ADAM21: variants seen among roughly 807,000 people sequenced by gnomAD.
ADAM21 encodes ADAM metallopeptidase domain 21, also known as disintegrin and metalloproteinase domain-containing protein 21.
For synonymous variants in ADAM21, 262 were observed against 306.0 expected (o/e 0.86, Z 1.50); for missense variants, 678 against 874.4 (o/e 0.78, Z 2.83).
In ADAM21 at chr14:70,459,088, A is replaced by G. The variant is rs751317160; in HGVS notation, c.1589A>G (p.Tyr530Cys). 1 of 1,612,686 alleles carries G rather than the reference A, an allele frequency of 6.2e-7. No homozygotes were observed. Among genetic ancestry groups the G allele is most frequent in the Non-Finnish European group, 8.5e-7 (1 of 1,179,242 alleles). The change falls in exon 2 of 2, where the codon TAT (tyrosine) becomes TGT (cysteine). Residue 530 changes from tyrosine (Y) to cysteine (C), a missense_variant. Coordinates refer to ENST00000603540, the MANE Select transcript of ADAM21 (RefSeq NM_003813.4). ...GCAAAAAGTGCATCTCAGAATTGCT[A>G]TAAAGAAATCAATTCTCAGGGAAAC... The part of the protein sequence containing the change: ...KDAKSASQNC[Y>C]KEINSQGNRF...
intron 1 of ADAM21, among the ~76,000 whole-genome samples, chr14:70,455,387 T>A (rs1469366381): frequency 6.6e-6 from 1 of 152,168 alleles, no homozygotes; most frequent in African/African-American, 2.4e-5. Context: ...AGAGGTGAAA[T>A]TAAGTTTTTG....
chr14:70,452,468 C>T (rs1438860046), intron 1 of ADAM21, among the ~76,000 whole-genome samples: 3 of 152,192 alleles, frequency 2.0e-5, no homozygotes, highest in African/African-American at 7.2e-5. Flanking sequence ...TGGGTTCACA[C>T]CATTCTCCTC....
intron 1 of ADAM21, 63 bp from the exon 2 acceptor site, chr14:70,457,286 C>G (rs1171683818): frequency 3.3e-5 from 20 of 613,586 alleles, no homozygotes; most frequent in Non-Finnish European, 4.7e-5. Flanking sequence ...CTACTTCATT[C>G]TTTTTCTCTC....
In ADAM21 at chr14:70,459,460, G is replaced by A. The variant is rs1882491067; in HGVS notation, c.1961G>A (p.Gly654Asp). The A allele has an allele frequency of 1.2e-6, 2 of 1,614,128 alleles. No individual in the cohort carries two copies. Among genetic ancestry groups the A allele is most frequent in the African/African-American group, 1.3e-5 (1 of 74,954 alleles). The change falls in exon 2 of 2, where the codon GGC becomes GAC. Residue 654 changes from glycine to aspartate, a missense_variant. Transcript: ENST00000603540. ...AATAACAAACATCACTGCCACTGTGGCTATGGGTGGTCCCCACCCTACTGC... is the reference window on the plus strand; with the variant it reads ...AATAACAAACATCACTGCCACTGTGACTATGGGTGGTCCCCACCCTACTGC... Reference protein sequence around the residue: ...ICNNKHHCHCGYGWSPPYCQH... With the variant: ...ICNNKHHCHCDYGWSPPYCQH...
rs778910236 is a variant in ADAM21, at chr14:70,458,316, G to A, written c.817G>A (p.Glu273Lys). 2 of 1,613,970 alleles carry A rather than the reference G, an allele frequency of 1.2e-6. No homozygotes were observed. The highest frequency in any genetic ancestry group is 2.7e-5 in the African/African-American group (2 of 74,934). The change falls in exon 2 of 2, where the codon GAA becomes AAA. Residue 273 changes from glutamate to lysine, a missense_variant. Coordinates refer to ENST00000603540, the MANE Select transcript of ADAM21 (RefSeq NM_003813.4). ...QGNVFPMTSIEQVLNDFSQWK... is the reference protein window; with the variant it reads ...QGNVFPMTSIKQVLNDFSQWK... ...AAATGTTTTCCCAATGACAAGCATAGAACAGGTCCTGAACGATTTCTCTCA... is the reference window on the plus strand; with the variant it reads ...AAATGTTTTCCCAATGACAAGCATAAAACAGGTCCTGAACGATTTCTCTCA...
chr14:70,456,048 GT>G (rs1468402070), intron 1 of ADAM21, among the ~76,000 whole-genome samples: 1 of 151,988 alleles, frequency 6.6e-6, no homozygotes, highest in Non-Finnish European at 1.5e-5. Flanking sequence ...ATAATTATCT[GT>G]TTTTTGTTTG....
At chr14:70,455,046 A>AGGTTC (rs1486726674) in intron 1 of ADAM21, among the ~76,000 whole-genome samples, 13 of 152,324 alleles carry the variant, frequency 8.5e-5, no homozygotes, top group African/African-American at 3.1e-4. Context: ...ATTAAAGCTC[A>AGGTTC]GGTTCAATAC....
Position 70,458,061 on chromosome 14 carries a change from G to A in ADAM21, c.562G>A (p.Glu188Lys), listed in dbSNP as rs764758775. 1.9e-6 allele frequency: 3 copies of A among 1,613,962 alleles called. No homozygotes were observed. The highest frequency in any genetic ancestry group is 2.7e-5 in the African/African-American group (2 of 74,872). The change falls in exon 2 of 2, where the codon GAA becomes AAA. Residue 188 changes from glutamate to lysine, a missense_variant. Physicochemically the swap from Glu to Lys is moderately conservative, Grantham distance 56 (BLOSUM62 1). Coordinates refer to ENST00000603540, the MANE Select transcript of ADAM21 (RefSeq NM_003813.4). ...KEVARQQLEF[E>K]EAENSALEPK... The stretch of plus-strand genomic sequence containing the variant: ...AGTAGCACGCCAACAGTTGGAATTT[G>A]AAGAGGCTGAGAACTCAGCTCTGGA...
intron 1 of ADAM21, among the ~76,000 whole-genome samples, chr14:70,453,785 C>A (rs1177761834): frequency 6.6e-6 from 1 of 152,188 alleles, no homozygotes; most frequent in Admixed American, 6.5e-5. Context: ...ATTCAGAGAT[C>A]TTTGTTCTTG....
chr14:70,454,501 C>T (rs560028796), intron 1 of ADAM21, among the ~76,000 whole-genome samples: 2 of 152,134 alleles, frequency 1.3e-5, no homozygotes, highest in South Asian at 4.2e-4. Flanking sequence ...GATTGGAAGA[C>T]AAGAACATTA....
rs1882488743 is a variant in ADAM21, at chr14:70,459,378, C to T, written c.1879C>T (p.Leu627=). The T allele has an allele frequency of 6.2e-7, 1 of 1,614,142 alleles. No individual in the cohort carries two copies. Residue 627 remains leucine, a synonymous_variant, in exon 2 of 2, where the codon CTG becomes TTG. Coordinates refer to ENST00000603540, the MANE Select transcript of ADAM21 (RefSeq NM_003813.4). ...KICIHKKCVS[L]SVLSHVCLPE... is the part of the protein sequence containing the mutation. ...CTGCATCCATAAGAAGTGTGTCAGT[C>T]TGTCTGTCTTGTCACATGTCTGCCT...
At chr14:70,456,142 G>T (rs1882401332) in intron 1 of ADAM21, among the ~76,000 whole-genome samples, 1 of 151,898 alleles carries the variant, frequency 6.6e-6, no homozygotes, top group South Asian at 2.1e-4. Flanking sequence ...ACTCTCCTCA[G>T]CAAAAAAAGT....
Position 70,457,701 on chromosome 14 carries a change from G to A in ADAM21, c.202G>A (p.Gly68Arg), listed in dbSNP as rs1318120161. ...PGWLSYSLRF[G>R]GQKHVVHMRV... is the part of the protein sequence containing the mutation. ...ATGGCTCTCCTATAGTCTGCGGTTTGGGGGCCAGAAACACGTTGTTCATAT... is the reference window on the plus strand; with the variant it reads ...ATGGCTCTCCTATAGTCTGCGGTTTAGGGGCCAGAAACACGTTGTTCATAT... The change falls in exon 2 of 2, where the codon GGG becomes AGG. Residue 68 changes from glycine to arginine, a missense_variant. Transcript: ENST00000603540. The A allele has an allele frequency of 2.5e-6, 4 of 1,613,964 alleles. No homozygotes were observed. The highest frequency in any genetic ancestry group is 1.1e-5 in the South Asian group (1 of 91,060).
chr14:70,458,057 A>G lies in ADAM21; in HGVS notation c.558A>G (p.Glu186=). The G allele has an allele frequency of 6.2e-7, 1 of 1,614,074 alleles. No individual in the cohort carries two copies. The highest frequency in any genetic ancestry group is 8.5e-7 in the Non-Finnish European group (1 of 1,180,026). The change falls in exon 2 of 2, where the codon GAA becomes GAG. Residue 186 remains glutamate (E), a synonymous_variant. Transcript: ENST00000603540. ...TEKEVARQQL[E]FEEAENSALE... is the part of the protein sequence containing the mutation. ...AGGAAGTAGCACGCCAACAGTTGGA[A>G]TTTGAAGAGGCTGAGAACTCAGCTC...
chr14:70,458,958 G>A lies in ADAM21; in HGVS notation c.1459G>A (p.Asp487Asn). ...TGGAACATCTCATCAGTGTCCAGAA[G>A]ATAGATATGTGCAGGACGGGATCCC... ...CNGTSHQCPE[D>N]RYVQDGIPCS... is the part of the protein sequence containing the mutation. Residue 487 changes from aspartate (D) to asparagine (N), a missense_variant, in exon 2 of 2, where the codon GAT (aspartate) becomes AAT (asparagine). Coordinates refer to ENST00000603540, the MANE Select transcript of ADAM21 (RefSeq NM_003813.4). 1 of 1,614,174 alleles carries A rather than the reference G, an allele frequency of 6.2e-7. No homozygotes were observed. Among genetic ancestry groups the A allele is most frequent in the Non-Finnish European group, 8.5e-7 (1 of 1,180,038 alleles).
Position 70,459,167 on chromosome 14 carries a change from T to G in ADAM21, c.1668T>G (p.Ser556=). The G allele has an allele frequency of 6.2e-7, 1 of 1,613,798 alleles. No individual in the cohort carries two copies. Among genetic ancestry groups the G allele is most frequent in the Non-Finnish European group, 8.5e-7 (1 of 1,179,854 alleles). ...CAACATACCTAAAATGTCATATCTC[T>G]GATGTCTTTTGTGGGAGAGTTCAAT... ...NGTTYLKCHI[S]DVFCGRVQCE... is the part of the protein sequence containing the mutation. The change falls in exon 2 of 2, where the codon TCT becomes TCG. Residue 556 remains serine (S), a synonymous_variant. Coordinates refer to ENST00000603540, the MANE Select transcript of ADAM21 (RefSeq NM_003813.4).
In ADAM21 at chr14:70,458,394, A is replaced by G. The variant is rs182555358; in HGVS notation, c.895A>G (p.Ile299Val). ...QLQHDAAHMF[I>V]KNSLISILGL... is the part of the protein sequence containing the mutation. ...ACAGCATGATGCTGCACATATGTTC[A>G]TAAAAAATTCACTTATAAGTATACT... Residue 299 changes from isoleucine (I) to valine (V), a missense_variant, in exon 2 of 2, where the codon ATA becomes GTA. Transcript: ENST00000603540. 2 of 1,614,238 alleles carry G rather than the reference A, an allele frequency of 1.2e-6. No individual in the cohort carries two copies. Among genetic ancestry groups the G allele is most frequent in the Admixed American group, 1.7e-5 (1 of 60,032 alleles).
At chr14:70,455,611 A>T (rs1489936978) in intron 1 of ADAM21, among the ~76,000 whole-genome samples, 1 of 152,158 alleles carries the variant, frequency 6.6e-6, no homozygotes, top group African/African-American at 2.4e-5. Context: ...CTTTTATGAT[A>T]CCTTTTCCCT....
At chr14:70,452,512 C>T (rs1449027418) in intron 1 of ADAM21, among the ~76,000 whole-genome samples, 1 of 152,154 alleles carries the variant, frequency 6.6e-6, no homozygotes, top group African/African-American at 2.4e-5. Context: ...ACTGCAGGTG[C>T]CCGCCACCAC....
Sources: gnomAD v4.1 joint callset for allele counts (sites outside exome capture counted in the v4.1 genomes callset) on GRCh38, gnomAD v4.1.1 for gene constraint, MANE v1.5 for transcripts, NCBI Gene and HGNC (gene_info 2026-07-23, HGNC 2026-07-21) for gene names.